SYNJ1: variants seen among roughly 807,000 people sequenced by gnomAD.
SYNJ1 encodes the protein synaptojanin 1, also known as polyphosphatidylinositol phosphatase SYNJ1.
In SYNJ1, 78 loss-of-function variants were observed where a neutral mutation model predicts 168.2. The ratio of observed to expected loss-of-function variants is 0.46; its 90% confidence interval spans 0.39 to 0.56. The LOEUF is 0.56. Among genes scored for constraint, SYNJ1 ranks in the 20% least tolerant of loss-of-function variants. The pLI, the probability that SYNJ1 is intolerant of heterozygous loss-of-function variation, is 0.00. For missense variants in SYNJ1, 1,303 were observed against 1,597.6 expected (o/e 0.82, Z 3.14); for synonymous variants, 539 against 548.6 (o/e 0.98, Z 0.24).
Position 32,630,418 on chromosome 21 carries a change from A to C in SYNJ1, c.*1387T>G, listed in dbSNP as rs1397876944. On this transcript the variant is annotated 3_prime_UTR_variant, in exon 33 of 33. Coordinates refer to ENST00000674351, the MANE Select transcript of SYNJ1 (RefSeq NM_203446.3). ...GATATTGAAAAAGGGACTTTGTTGG[A>C]ACTTTTAGGTATAATTTGGTCTGAG... The C allele has an allele frequency of 6.6e-6, 1 of 152,468 alleles. No individual in the cohort carries two copies. Among genetic ancestry groups the C allele is most frequent in the Non-Finnish European group, 1.5e-5 (1 of 68,044 alleles). 9.4% of individuals were successfully genotyped at this position (152,468 alleles called of 1,614,324 possible). A position where few individuals can be genotyped will look rare whatever the true frequency, so the allele number is the denominator to read the frequency against.
chr21:32,654,081 A>G (rs1360106418), intron 21 of SYNJ1: 1 of 152,174 alleles, frequency 6.6e-6, no homozygotes, highest in Non-Finnish European at 1.5e-5. Context: ...TTATGATGTT[A>G]TCAGTCTTAT....
intron 3 of SYNJ1, among the ~76,000 whole-genome samples, chr21:32,700,823 T>A (rs1369780991): frequency 6.6e-6 from 1 of 152,252 alleles, no homozygotes; most frequent in Non-Finnish European, 1.5e-5. Context: ...GAAAAAATGG[T>A]ATACTATTAT....
rs2041623384 is a variant in SYNJ1, at chr21:32,681,522, T to C, written c.1327A>G (p.Thr443Ala). 6.2e-7 allele frequency: 1 copy of C among 1,612,686 alleles called. No homozygotes were observed. The highest frequency in any genetic ancestry group is 8.5e-7 in the Non-Finnish European group (1 of 1,179,270). The change falls in exon 11 of 33, where the codon ACT (threonine) becomes GCT (alanine). Residue 443 changes from threonine (T) to alanine (A), a missense_variant. Around this residue, in one of 2 missense-constraint regions of SYNJ1, gnomAD observed 920 missense variants for 1,208.8 expected, o/e 0.76. Coordinates refer to ENST00000674351, the MANE Select transcript of SYNJ1 (RefSeq NM_203446.3). ...GDSISKIYAGTGALEGKAKLK... is the reference protein window; with the variant it reads ...GDSISKIYAGAGALEGKAKLK... ...TTCGCTTTCCCTTCAAGAGCTCCAGTTCCTGCATATATCTTACTGATTGAA... is the reference window on the plus strand; with the variant it reads ...TTCGCTTTCCCTTCAAGAGCTCCAGCTCCTGCATATATCTTACTGATTGAA...
chr21:32,719,321 AC>A (rs2043133487), intron 2 of SYNJ1, among the ~76,000 whole-genome samples: 1 of 152,218 alleles, frequency 6.6e-6, no homozygotes, highest in Admixed American at 6.5e-5. Context: ...TATTAGTGAA[AC>A]CGGGTTTTTG....
chr21:32,639,159 A>G (rs770813008), intron 30 of SYNJ1, 34 bp from the exon 31 acceptor site: 2 of 1,564,106 alleles, frequency 1.3e-6, no homozygotes, highest in Non-Finnish European at 1.7e-6. Context: ...TGTTAGGTAT[A>G]TTCTAGAAAA....
intron 2 of SYNJ1, among the ~76,000 whole-genome samples, chr21:32,716,377 C>T (rs1297356189): frequency 2.6e-5 from 4 of 152,130 alleles, no homozygotes; most frequent in African/African-American, 7.2e-5. Flanking sequence ...TTTCAACCTT[C>T]GAATGTCTGA....
chr21:32,704,615 C>T (rs926825802), intron 2 of SYNJ1, among the ~76,000 whole-genome samples: 1 of 152,120 alleles, frequency 6.6e-6, no homozygotes, highest in Non-Finnish European at 1.5e-5. Flanking sequence ...ACTGTCCACC[C>T]ATGGGTGTTA....
chr21:32,678,660 T>G lies in SYNJ1; in HGVS notation c.1495A>C (p.Thr499Pro). ...GTGCACATACCACGCAAACTTCCAG[T>G]AGTTAAAAGTGCTCGAGCTTTGTCA... is the stretch of plus-strand genomic sequence containing the variant. ...LADKARALLT[T>P]GSLRVSEQTL... The change falls in exon 12 of 33, where the codon ACT (threonine) becomes CCT (proline). Residue 499 changes from threonine to proline, a missense_variant. This residue lies in a region of SYNJ1 where 920 missense variants were observed against 1,208.8 expected (regional missense o/e 0.76). Coordinates refer to ENST00000674351, the MANE Select transcript of SYNJ1 (RefSeq NM_203446.3). 6.2e-7 allele frequency: 1 copy of G among 1,603,376 alleles called. No individual in the cohort carries two copies. Among genetic ancestry groups the G allele is most frequent in the Non-Finnish European group, 8.5e-7 (1 of 1,177,260 alleles).
At chr21:32,687,292 C>A (rs943670919) in intron 7 of SYNJ1, among the ~76,000 whole-genome samples, 3 of 152,190 alleles carry the variant, frequency 2.0e-5, no homozygotes, top group African/African-American at 4.8e-5. Context: ...GACTTCCACC[C>A]CTGTTGGAGC....
intron 30 of SYNJ1, among the ~76,000 whole-genome samples, 199 bp from the exon 31 acceptor site, chr21:32,639,324 G>T (rs2039723853): frequency 6.6e-6 from 1 of 152,136 alleles, no homozygotes; most frequent in Admixed American, 6.6e-5. Flanking sequence ...AGGAAAAAGA[G>T]AAAAATATAC....
chr21:32,692,586 T>A (rs2042064659), intron 6 of SYNJ1, among the ~76,000 whole-genome samples: 5 of 150,424 alleles, frequency 3.3e-5, no homozygotes, highest in Admixed American at 3.3e-4. Context: ...AAAAAAAAAA[T>A]CCATAATTTT....
rs771635470 is a variant in SYNJ1 at position 32,702,042 on chromosome 21, C to A, written c.130G>T (p.Ala44Ser). 11 of 1,546,816 alleles carry A rather than the reference C, an allele frequency of 7.1e-6. No homozygotes were observed. Among genetic ancestry groups the A allele is most frequent in the Admixed American group, 1.7e-5 (1 of 57,886 alleles). The stretch of plus-strand genomic sequence containing the variant: ...GTACCCTTGATTGCCTCTTTTTCTG[C>A]AGATGCTACAAAAAAAAGTTTTAGT... The part of the protein sequence containing the change: ...ESGAVAVLSS[A>S]EKEAIKGTYS... The change falls in exon 3 of 33, where the codon GCA (alanine) becomes TCA (serine). Residue 44 changes from alanine to serine, a missense_variant. This residue lies in a region of SYNJ1 where 920 missense variants were observed against 1,208.8 expected (regional missense o/e 0.76). Transcript: ENST00000674351.
In SYNJ1 at chr21:32,695,841, G is replaced by GTT. The variant is rs201904973; in HGVS notation, c.480-561_480-560dup. 8.6e-5 allele frequency among the ~76,000 whole-genome samples: 11 copies of GTT among 127,796 alleles called. 1 individual carries two copies. The highest frequency in any genetic ancestry group is 1.2e-4 in the African/African-American group (4 of 33,534). 83.8% of individuals were successfully genotyped at this position (127,796 alleles called of 152,430 possible). On this transcript the variant is annotated intron_variant, in intron 4 of 32. Transcript: ENST00000674351. Reference sequence around the variant, plus strand: ...CCAAGCCGGGCTAATTTTTTGTTTTGTTTTGTTTTTTTTTTTCTTTTTTGA... The same window carrying GTT: ...CCAAGCCGGGCTAATTTTTTGTTTTGTTTTTTGTTTTTTTTTTTCTTTTTTGA...
chr21:32,698,175 C>A (rs1359980879), intron 4 of SYNJ1, among the ~76,000 whole-genome samples: 1 of 152,098 alleles, frequency 6.6e-6, no homozygotes, highest in South Asian at 2.1e-4. Context: ...ATGGTCTCCT[C>A]CTCTGCTAAA....
At chr21:32,632,726 T>C (rs1048467825) in intron 32 of SYNJ1, among the ~76,000 whole-genome samples, 2 of 152,072 alleles carry the variant, frequency 1.3e-5, no homozygotes, top group African/African-American at 2.4e-5. Context: ...TTGAATAAAC[T>C]GAGTAATGTG....
At chr21:32,705,025 T>G (rs931761016) in intron 2 of SYNJ1, among the ~76,000 whole-genome samples, 2 of 151,840 alleles carry the variant, frequency 1.3e-5, no homozygotes, top group African/African-American at 4.8e-5. Flanking sequence ...GGCAGGCACA[T>G]GTAGTCCCAG....
intron 2 of SYNJ1, among the ~76,000 whole-genome samples, chr21:32,723,770 A>G (rs527966971): frequency 1.3e-5 from 2 of 152,342 alleles, no homozygotes; most frequent in East Asian, 1.9e-4. Flanking sequence ...GTTCAATTAC[A>G]GTGAGCTGTG....
In SYNJ1 at chr21:32,631,041, G is replaced by A; in HGVS notation, c.*764C>T. The A allele has an allele frequency of 1.9e-6, 3 of 1,614,148 alleles. No individual in the cohort carries two copies. Among genetic ancestry groups the A allele is most frequent in the Non-Finnish European group, 2.5e-6 (3 of 1,180,014 alleles). On this transcript the variant is annotated 3_prime_UTR_variant, in exon 33 of 33. Transcript: ENST00000674351. ...TGTGGGTGAAGCCTTAGAGGCCAAG[G>A]TCGTGAAAGGATCTACTGGAGGGCT...
Position 32,695,080 on chromosome 21 carries a change from C to A in SYNJ1, c.682G>T (p.Ala228Ser). The change falls in exon 5 of 33, where the codon GCC (alanine) becomes TCC (serine). Residue 228 changes from alanine (A) to serine (S), a missense_variant. Physicochemically the swap from Ala to Ser is moderately conservative, Grantham distance 99. Coordinates refer to ENST00000674351, the MANE Select transcript of SYNJ1 (RefSeq NM_203446.3). Reference sequence around the variant, plus strand: ...ACCTGTTCTGTTTCTACAAAATTGGCAACATGACCATCATCATTTGTTCCC... The same window carrying A: ...ACCTGTTCTGTTTCTACAAAATTGGAAACATGACCATCATCATTTGTTCCC... ...VRGTNDDGHV[A>S]NFVETEQVVY... 6.2e-7 allele frequency: 1 copy of A among 1,614,078 alleles called. No individual in the cohort carries two copies. Among genetic ancestry groups the A allele is most frequent in the Non-Finnish European group, 8.5e-7 (1 of 1,180,000 alleles).
Sources: allele counts gnomAD v4.1 joint callset (sites outside exome capture counted in the v4.1 genomes callset), GRCh38; gene constraint gnomAD v4.1.1; regional missense constraint gnomAD v4.1.1; transcripts MANE v1.5; gene names NCBI Gene and HGNC (gene_info 2026-07-23, HGNC 2026-07-21).